Variants in BUD23 observed in about 807,000 individuals in gnomAD.
BUD23 encodes the protein 18S rRNA (guanine-N(7))-methyltransferase.
A neutral mutation model predicts 47.0 loss-of-function variants in BUD23; 34 were observed. That is an observed-to-expected ratio of 0.72 (90% CI 0.55 to 0.96). The LOEUF (loss-of-function observed/expected upper bound fraction) is 0.96. Ranked by LOEUF, BUD23 falls within the 40% of genes least tolerant of loss-of-function variation. The pLI, the probability that BUD23 is intolerant of heterozygous loss-of-function variation, is 0.00. For synonymous variants in BUD23, 124 were observed against 132.0 expected, an observed-to-expected ratio of 0.94 and a Z score of 0.41; for missense variants, 343 against 361.2, an observed-to-expected ratio of 0.95 and a Z score of 0.41.
Position 73,683,666 on chromosome 7 carries a change from C to A in BUD23, c.41C>A (p.Pro14Gln), listed in dbSNP as rs1016333947. ...RGRRPEHGGP[P>Q]ELFYDETEAR... ...CGGCGTCCGGAGCATGGCGGACCCC[C>A]AGAGCTGGTAAGTCCCGGGGCCCGC... Residue 14 changes from proline to glutamine, a missense_variant, in exon 1 of 12, where the codon CCA becomes CAA. By Grantham distance (76) the Pro-to-Gln change is moderately conservative (BLOSUM62 -1). Transcript: ENST00000265758. 6.2e-7 allele frequency: 1 copy of A among 1,613,506 alleles called. No homozygotes were observed. The highest frequency in any genetic ancestry group is 8.5e-7 in the Non-Finnish European group (1 of 1,179,862).
At chr7:73,692,975 T>C (rs1193080843) in intron 7 of BUD23, 2 of 536,418 alleles carry the variant, frequency 3.7e-6, no homozygotes, top group East Asian at 3.0e-5. Flanking sequence ...AATTAAGGAA[T>C]GGCGGAGTAG....
chr7:73,691,119 T>C, intron 6 of BUD23, 107 bp downstream of exon 6: 1 of 907,350 alleles, frequency 1.1e-6, no homozygotes, highest in Non-Finnish European at 1.8e-6. Flanking sequence ...GCTACTCATA[T>C]GGGACCGCAT....
chr7:73,691,354 A>G (rs1007373512), intron 6 of BUD23, among the ~76,000 whole-genome samples: 7 of 152,200 alleles, frequency 4.6e-5, no homozygotes, highest in Non-Finnish European at 1.0e-4. Flanking sequence ...TGGACTGAGC[A>G]GAGTGAGGAC....
At chr7:73,693,808 TC>T in intron 9 of BUD23, 139 bp downstream of exon 9, 1 of 1,353,680 alleles carries the variant, frequency 7.4e-7, no homozygotes, top group Non-Finnish European at 1.1e-6. Context: ...AGTGCTCACA[TC>T]CTCTGGAATC....
Position 73,687,614 on chromosome 7 carries a change from A to G in BUD23, c.362+519A>G, listed in dbSNP as rs1311898326. 1.9e-4 allele frequency among the ~76,000 whole-genome samples: 28 copies of G among 151,124 alleles called. 1 individual carries two copies. Among genetic ancestry groups the G allele is most frequent in the Admixed American group, 1.8e-3 (27 of 15,196 alleles). On this transcript the variant is annotated intron_variant, in intron 5 of 11. Transcript: ENST00000265758. ...TTTGTTGTAGAGATGGGTTTTTGCT[A>G]TGTTGCTCAGGCGATCCACACACCT...
intron 7 of BUD23, 55 bp downstream of exon 7, chr7:73,692,701 C>A: frequency 6.4e-7 from 1 of 1,551,838 alleles, no homozygotes; most frequent in Non-Finnish European, 8.9e-7. Context: ...AACAGGTAAG[C>A]TGTCCTGGGG....
chr7:73,687,191 T>G (rs1272468298), intron 5 of BUD23, 96 bp downstream of exon 5: 11 of 1,297,346 alleles, frequency 8.5e-6, no homozygotes, highest in Non-Finnish European at 1.2e-5. Context: ...TGGCTCACAC[T>G]GCAGCCTCCA....
intron 5 of BUD23, among the ~76,000 whole-genome samples, chr7:73,689,966 G>A (rs560415942): frequency 3.9e-5 from 6 of 152,168 alleles, no homozygotes; most frequent in Admixed American, 2.6e-4. Flanking sequence ...ACAGCAGGGC[G>A]GAGGGGAAGG....
intron 10 of BUD23, chr7:73,697,305 T>TGCTTAGCTGCTTCCC: frequency 1.3e-6 from 1 of 773,764 alleles, no homozygotes; most frequent in East Asian, 2.7e-5. Context: ...GCCTGCTTAC[T>TGCTTAGCTGCTTCCC]GCTGCTTAGC....
At chr7:73,684,618 G>GC (rs1491539900) in intron 2 of BUD23, among the ~76,000 whole-genome samples, 1 of 4,436 alleles carries the variant, frequency 2.3e-4, no homozygotes, top group Non-Finnish European at 6.6e-4. Flanking sequence ...AAAAAAAAAA[G>GC]GGGGGGGGAT....
chr7:73,685,017 T>C (rs992695820), intron 2 of BUD23, among the ~76,000 whole-genome samples: 8 of 142,728 alleles, frequency 5.6e-5, no homozygotes, highest in Admixed American at 2.2e-4. Context: ...TTTCAGTAAA[T>C]GGTTACTGGC....
rs781979626 is a variant in BUD23, at chr7:73,697,847, C to T, written c.807C>T (p.Asp269=). ...TTCTGCACAGGGAAGTCAGACCTGA[C>T]ACCCAGTACACCGGCCGCAAGCGCA... is the stretch of plus-strand genomic sequence containing the variant. ...HRRQGREVRP[D]TQYTGRKRKP... is the part of the protein sequence containing the mutation. The change falls in exon 12 of 12, where the codon GAC becomes GAT. Residue 269 remains aspartate (D), a synonymous_variant. Transcript: ENST00000265758. 28 of 1,613,850 alleles carry T rather than the reference C, an allele frequency of 1.7e-5. No homozygotes were observed. The highest frequency in any genetic ancestry group is 2.2e-5 in the Non-Finnish European group (26 of 1,179,992).
intron 5 of BUD23, 81 bp from the exon 6 acceptor site, chr7:73,690,835 C>A: frequency 1.8e-6 from 2 of 1,111,482 alleles, no homozygotes; most frequent in Non-Finnish European, 2.7e-6. Flanking sequence ...AGAGCCAGGA[C>A]GGATGATGTC....
intron 5 of BUD23, 118 bp from the exon 6 acceptor site, chr7:73,690,798 A>C: frequency 1.3e-6 from 1 of 755,348 alleles, no homozygotes; most frequent in African/African-American, 1.7e-5. Flanking sequence ...TAAGAAGGGA[A>C]GCTGTGGGAG....
chr7:73,691,503 C>T (rs1287363463), intron 6 of BUD23, among the ~76,000 whole-genome samples: 3 of 152,124 alleles, frequency 2.0e-5, no homozygotes, highest in Non-Finnish European at 2.9e-5. Flanking sequence ...GCAAAGAGAG[C>T]CTTTATTAGC....
chr7:73,686,963 A>G, intron 4 of BUD23, 36 bp from the exon 5 acceptor site: 1 of 1,614,022 alleles, frequency 6.2e-7, no homozygotes, highest in Middle Eastern at 1.6e-4. Context: ...AGCCACAGGT[A>G]TTTCTCTTTC....
In BUD23 at chr7:73,683,615, G is replaced by A. The variant is rs1486923991; in HGVS notation, c.-11G>A. On this transcript the variant is annotated 5_prime_UTR_variant, in exon 1 of 12. Coordinates refer to ENST00000265758, the MANE Select transcript of BUD23 (RefSeq NM_017528.5). ...AGGCGCCAGTCGCAGGTGTGCTGCT[G>A]AGGCGTGAGAATGGCGTCCCGCGGC... 2.5e-6 allele frequency: 4 copies of A among 1,606,452 alleles called. No homozygotes were observed. Among genetic ancestry groups the A allele is most frequent in the South Asian group, 1.1e-5 (1 of 90,550 alleles).
At position 73,697,600 on chromosome 7, in the gene BUD23, C is replaced by T. The variant is rs1397090112; in HGVS notation, c.702-5C>T. 2 of 1,613,442 alleles carry T rather than the reference C, an allele frequency of 1.2e-6. No individual in the cohort carries two copies. The highest frequency in any genetic ancestry group is 1.7e-6 in the Non-Finnish European group (2 of 1,179,950). Reference sequence around the variant, plus strand: ...CATCAGCTCATAGCTGTGTCTCCGCCACAGGTTCCCATTAAGGATGTCGAG... The same window carrying T: ...CATCAGCTCATAGCTGTGTCTCCGCTACAGGTTCCCATTAAGGATGTCGAG... On this transcript the variant is annotated splice_polypyrimidine_tract_variant and splice_region_variant and intron_variant, in intron 10 of 11. Coordinates refer to ENST00000265758, the MANE Select transcript of BUD23 (RefSeq NM_017528.5).
intron 2 of BUD23, among the ~76,000 whole-genome samples, chr7:73,684,617 A>AAG (rs1554612517): frequency 0.041 from 3,543 of 86,400 alleles, 165 homozygotes; most frequent in African/African-American, 0.047. Context: ...AAAAAAAAAA[A>AAG]GGGGGGGGGA....
Sources: allele counts gnomAD v4.1 joint callset (sites outside exome capture counted in the v4.1 genomes callset), GRCh38; gene constraint gnomAD v4.1.1; transcripts MANE v1.5; gene names NCBI Gene and HGNC (gene_info 2026-07-23, HGNC 2026-07-21).